Variants in DISC1 observed in about 807,000 individuals in gnomAD.
DISC1 encodes the protein DISC1 scaffold protein.
DISC1 carries 57 observed loss-of-function variants against 84.5 expected under a neutral mutation model. That is an observed-to-expected ratio of 0.67 (90% CI 0.55 to 0.84). The LOEUF is 0.84. DISC1 is among the 40% of genes least tolerant of loss of function. DISC1 has a pLI of 0.00. For missense variants in DISC1, 1,000 were observed against 1,057.8 expected, an observed-to-expected ratio of 0.95 and a Z score of 0.76; for synonymous variants, 411 against 415.2, an observed-to-expected ratio of 0.99 and a Z score of 0.12.
rs80040952 is a variant in DISC1, at chr1:231,855,660, G to T, written c.1981+37143G>T. On this transcript the variant is annotated intron_variant, in intron 9 of 12. Transcript: ENST00000439617. ...AGTCCTTATGTTCTCTCCTTCCTAA[G>T]GATGGCTTATTTTCCTTTCCATGAA... Among the ~76,000 whole-genome samples the T allele has an allele frequency of 6.4e-3, 972 of 152,238 alleles. 14 individuals carry two copies. Among genetic ancestry groups the T allele is most frequent in the African/African-American group, 0.022 (914 of 41,540 alleles).
At chr1:231,678,698 C>T (rs2063396124) in intron 1 of DISC1, among the ~76,000 whole-genome samples, 1 of 152,170 alleles carries the variant, frequency 6.6e-6, no homozygotes, top group Non-Finnish European at 1.5e-5. Context: ...GACGGAGTCT[C>T]ACTCTGTTGC....
intron 6 of DISC1, among the ~76,000 whole-genome samples, chr1:231,784,946 T>C (rs536963871): frequency 6.6e-6 from 1 of 152,300 alleles, no homozygotes; most frequent in African/African-American, 2.4e-5. Context: ...TTGCTTCTGA[T>C]GAATTTATGT....
In DISC1 at chr1:231,750,153, G is replaced by A. The variant is rs2074455487; in HGVS notation, c.1268+77G>A. ...CAGCTCCCACATAGTGAAGAGCTGG[G>A]AGGAGCTTAGCTGTAGAGACCCTTG... On this transcript the variant is annotated intron_variant, in intron 4 of 12. Coordinates refer to ENST00000439617, the MANE Select transcript of DISC1 (RefSeq NM_018662.3). 3 of 1,550,846 alleles carry A rather than the reference G, an allele frequency of 1.9e-6. No individual in the cohort carries two copies. The East Asian group carries it at 6.8e-5, about 35-fold the overall frequency.
chr1:231,822,229 C>T (rs1175375149), intron 9 of DISC1, among the ~76,000 whole-genome samples: 1 of 152,122 alleles, frequency 6.6e-6, no homozygotes, highest in Non-Finnish European at 1.5e-5. Flanking sequence ...AATTTTCCCA[C>T]CTTATGCCAG....
At chr1:231,777,034 ATTG>A (rs1390650085) in intron 6 of DISC1, among the ~76,000 whole-genome samples, 3 of 152,042 alleles carry the variant, frequency 2.0e-5, no homozygotes, top group African/African-American at 4.8e-5. Flanking sequence ...ATTCGTGAAG[ATTG>A]TTGTTCTTTA....
chr1:231,743,668 G>T (rs189420650), intron 3 of DISC1, among the ~76,000 whole-genome samples: 1 of 152,210 alleles, frequency 6.6e-6, no homozygotes, highest in Non-Finnish European at 1.5e-5. Flanking sequence ...ACTCTACTGC[G>T]TATTTTAAGT....
chr1:231,722,760 A>G (rs202014257), intron 3 of DISC1: 10 of 1,501,054 alleles, frequency 6.7e-6, no homozygotes, highest in Non-Finnish European at 8.9e-6. Flanking sequence ...TTTTAACATT[A>G]TTTCAGGATA....
intron 10 of DISC1, among the ~76,000 whole-genome samples, chr1:231,964,637 GCT>G (rs1430518097): frequency 6.6e-6 from 1 of 152,206 alleles, no homozygotes; most frequent in African/African-American, 2.4e-5. Flanking sequence ...TGACCATCAG[GCT>G]CTCTGTGACA....
chr1:231,952,039 C>T (rs1318234923), intron 9 of DISC1, among the ~76,000 whole-genome samples: 18 of 144,086 alleles, frequency 1.2e-4, no homozygotes, highest in Admixed American at 5.8e-4. Flanking sequence ...GCTATAATCA[C>T]GCCACTGCAC....
chr1:231,924,479 G>C (rs1308170806), intron 9 of DISC1, among the ~76,000 whole-genome samples: 1 of 152,110 alleles, frequency 6.6e-6, no homozygotes, highest in Non-Finnish European at 1.5e-5. Flanking sequence ...GTTGGGGGTG[G>C]GTGTGAATGT....
intron 2 of DISC1, 98 bp from the exon 3 acceptor site, chr1:231,701,857 C>T: frequency 2.0e-6 from 2 of 988,732 alleles, no homozygotes; most frequent in Non-Finnish European, 1.4e-6. Flanking sequence ...TGAAGAAGTT[C>T]AGTTTTGAAA....
intron 1 of DISC1, among the ~76,000 whole-genome samples, chr1:231,676,084 T>C (rs1439383479): frequency 4.6e-5 from 7 of 152,252 alleles, no homozygotes; most frequent in Non-Finnish European, 1.0e-4. Context: ...CCTGACCTGA[T>C]GATCCATCTG....
intron 4 of DISC1, among the ~76,000 whole-genome samples, chr1:231,763,864 A>G (rs2075970749): frequency 6.6e-6 from 1 of 152,262 alleles, no homozygotes; most frequent in Admixed American, 6.5e-5. Flanking sequence ...TCCATAGTAC[A>G]TACCAGGCAA....
At chr1:231,681,328 G>A (rs2063667580) in intron 1 of DISC1, among the ~76,000 whole-genome samples, 1 of 152,134 alleles carries the variant, frequency 6.6e-6, no homozygotes, top group Non-Finnish European at 1.5e-5. Flanking sequence ...GGATCAGAGA[G>A]TTGAGACTGT....
intron 3 of DISC1, among the ~76,000 whole-genome samples, chr1:231,726,360 T>C (rs1345989824): frequency 6.6e-6 from 1 of 151,864 alleles, no homozygotes; most frequent in Non-Finnish European, 1.5e-5. Flanking sequence ...TGCAGGCACC[T>C]TTTTTTTGAG....
chr1:231,643,109 G>T (rs1558228713), intron 1 of DISC1, among the ~76,000 whole-genome samples: 1 of 152,220 alleles, frequency 6.6e-6, no homozygotes, highest in East Asian at 1.9e-4. Context: ...AGGCCATTTC[G>T]CTAATTCTTT....
intron 3 of DISC1, chr1:231,702,610 T>C (rs2066555279): frequency 1.0e-6 from 1 of 984,302 alleles, no homozygotes; most frequent in Middle Eastern, 5.2e-4. Context: ...AGACCAGAGA[T>C]AGAGGGACTG....
chr1:231,634,927 A>C (rs1181890187), intron 1 of DISC1, among the ~76,000 whole-genome samples: 4 of 151,842 alleles, frequency 2.6e-5, no homozygotes, highest in Non-Finnish European at 5.9e-5. Context: ...GTCTCAAAAA[A>C]AAAATGAAAA....
chr1:231,734,611 A>G (rs2072230318), intron 3 of DISC1, among the ~76,000 whole-genome samples: 1 of 152,170 alleles, frequency 6.6e-6, no homozygotes, highest in South Asian at 2.1e-4. Context: ...AGTCATTCAC[A>G]ACTTAACTGG....
Sources: allele counts gnomAD v4.1 joint callset (sites outside exome capture counted in the v4.1 genomes callset), GRCh38; gene constraint gnomAD v4.1.1; transcripts MANE v1.5; gene names NCBI Gene and HGNC (gene_info 2026-07-23, HGNC 2026-07-21).